Variants in FOXP2 observed in about 807,000 individuals in gnomAD.
FOXP2 encodes forkhead box protein P2.
In FOXP2, 12 loss-of-function variants were observed where a neutral mutation model predicts 115.8. That is an observed-to-expected ratio of 0.10 (90% CI 0.07 to 0.17). FOXP2 has a LOEUF of 0.17. FOXP2 is among the 10% of genes least tolerant of loss of function. The pLI, the probability that FOXP2 is intolerant of heterozygous loss-of-function variation, is 1.00. For synonymous variants in FOXP2, 328 were observed against 297.7 expected (o/e 1.10, Z -1.05); for missense variants, 629 against 843.5 (o/e 0.75, Z 3.15).
chr7:114,399,849 CT>C (rs1431053557), intron 2 of FOXP2, among the ~76,000 whole-genome samples: 1,723 of 131,380 alleles, frequency 0.013, 12 homozygotes, highest in Non-Finnish European at 0.017. Flanking sequence ...TCATCATTTT[CT>C]TTTTTTTTTT....
chr7:114,682,682 T>G lies in FOXP2; in HGVS notation c.2004-7100T>G, dbSNP rs538730238. On this transcript the variant is annotated intron_variant, in intron 16 of 16. Coordinates refer to ENST00000350908, the MANE Select transcript of FOXP2 (RefSeq NM_014491.4). ...GGCAAAAAGAGAAAGAAATTGCCAA[T>G]GGTCACAAGAAGAGACTAATTCTCT... 3.3e-5 allele frequency among the ~76,000 whole-genome samples: 5 copies of G among 152,216 alleles called. No homozygotes were observed. In the East Asian group the frequency reaches 9.6e-4, roughly 29 times the overall value.
At chr7:114,403,512 T>C (rs1792944384) in intron 2 of FOXP2, among the ~76,000 whole-genome samples, 2 of 152,220 alleles carry the variant, frequency 1.3e-5, no homozygotes, top group South Asian at 4.1e-4. Context: ...ACAGTCTTTT[T>C]GCATCTACAG....
intron 1 of FOXP2, among the ~76,000 whole-genome samples, chr7:114,169,489 T>C (rs1793078850): frequency 6.6e-6 from 1 of 152,230 alleles, no homozygotes; most frequent in Non-Finnish European, 1.5e-5. Context: ...GGAATGGCTG[T>C]GTTTTCCCAA....
intron 2 of FOXP2, among the ~76,000 whole-genome samples, chr7:114,427,398 A>T (rs959895051): frequency 1.5e-4 from 20 of 131,964 alleles, no homozygotes; most frequent in African/African-American, 6.6e-4. Flanking sequence ...CTGATTTTGT[A>T]AAAAAAAAAA....
chr7:114,658,044 C>T (rs1806678921), intron 10 of FOXP2, 22 bp from the exon 11 acceptor site: 2 of 1,613,036 alleles, frequency 1.2e-6, no homozygotes, highest in Non-Finnish European at 8.5e-7. Context: ...CTTTTTCCTG[C>T]CCTTCTCTTG....
Position 114,691,256 on chromosome 7 carries a change from C to T in FOXP2, c.*1330C>T. ...TTGTTGTGTACTATTTTTTTATAGT[C>T]TTAAGTTATAATGAAAAAACAAAAA... On this transcript the variant is annotated 3_prime_UTR_variant, in exon 17 of 17. Transcript: ENST00000350908. The T allele has an allele frequency of 2.2e-6, 1 of 452,148 alleles. No homozygotes were observed. Among genetic ancestry groups the T allele is most frequent in the Non-Finnish European group, 4.4e-6 (1 of 226,398 alleles). 28.0% of individuals were successfully genotyped at this position (452,148 alleles called of 1,614,324 possible).
At chr7:114,289,948 G>A (rs534511674) in intron 2 of FOXP2, among the ~76,000 whole-genome samples, 4 of 152,004 alleles carry the variant, frequency 2.6e-5, no homozygotes, top group East Asian at 3.9e-4. Context: ...TGTTGGAGAA[G>A]CAAAGATTTT....
intron 1 of FOXP2, among the ~76,000 whole-genome samples, chr7:114,101,704 G>A (rs9640751): frequency 0.23 from 35,286 of 151,772 alleles, 5,979 homozygotes; most frequent in East Asian, 0.49. Flanking sequence ...TATGTATTAT[G>A]TCTGTTTTCC....
chr7:114,118,435 T>C (rs1791468427), intron 1 of FOXP2, among the ~76,000 whole-genome samples: 1 of 151,106 alleles, frequency 6.6e-6, no homozygotes, highest in Non-Finnish European at 1.5e-5. Context: ...TATATCAACC[T>C]AGAGGTTTTT....
chr7:114,548,599 A>G (rs551943935), intron 3 of FOXP2, among the ~76,000 whole-genome samples: 2 of 152,360 alleles, frequency 1.3e-5, no homozygotes, highest in South Asian at 2.1e-4. Context: ...TAATGTGACT[A>G]AAGTTCAGTG....
At chr7:114,610,164 A>G (rs1450235388) in intron 3 of FOXP2, among the ~76,000 whole-genome samples, 1 of 152,178 alleles carries the variant, frequency 6.6e-6, no homozygotes, top group Non-Finnish European at 1.5e-5. Flanking sequence ...TACTTTATTC[A>G]ATTATTCATA....
intron 16 of FOXP2, chr7:114,666,445 T>C (rs1266155345): frequency 3.3e-5 from 5 of 152,112 alleles, no homozygotes; most frequent in Admixed American, 3.3e-4. Flanking sequence ...CTTTATAAAG[T>C]TCTAAGATGC....
chr7:114,235,971 A>G (rs762714888), intron 1 of FOXP2, among the ~76,000 whole-genome samples: 11 of 152,218 alleles, frequency 7.2e-5, no homozygotes, highest in Middle Eastern at 3.4e-3. Context: ...TACCTTTCTT[A>G]ATGGGGCTTC....
intron 2 of FOXP2, among the ~76,000 whole-genome samples, chr7:114,460,374 C>T (rs571612163): frequency 2.0e-5 from 3 of 152,282 alleles, no homozygotes; most frequent in South Asian, 4.1e-4. Flanking sequence ...ATTAATCACC[C>T]AGTAGTGAGT....
intron 16 of FOXP2, among the ~76,000 whole-genome samples, chr7:114,679,376 A>G (rs1047452047): frequency 2.6e-5 from 4 of 152,168 alleles, no homozygotes; most frequent in African/African-American, 9.7e-5. Context: ...TCTGACCATC[A>G]TTAACTTATT....
chr7:114,502,419 T>A (rs1002839300), intron 2 of FOXP2, among the ~76,000 whole-genome samples: 1 of 152,122 alleles, frequency 6.6e-6, no homozygotes, highest in African/African-American at 2.4e-5. Context: ...GCTGCCAAAC[T>A]GTCAAACTGT....
chr7:114,509,673 G>C (rs192810178), intron 2 of FOXP2, among the ~76,000 whole-genome samples: 1,755 of 149,316 alleles, frequency 0.012, 36 homozygotes, highest in African/African-American at 0.038. Flanking sequence ...TCTTTGGTGG[G>C]GGGGGGGCTT....
At chr7:114,643,462 A>C (rs1805696031) in intron 7 of FOXP2, among the ~76,000 whole-genome samples, 2 of 152,184 alleles carry the variant, frequency 1.3e-5, no homozygotes, top group African/African-American at 4.8e-5. Context: ...GTAAATATAT[A>C]AAGATAAATA....
At chr7:114,451,104 G>C (rs1175733301) in intron 2 of FOXP2, among the ~76,000 whole-genome samples, 1 of 152,018 alleles carries the variant, frequency 6.6e-6, no homozygotes, top group East Asian at 1.9e-4. Context: ...TACATATTGA[G>C]AGTAAATAAA....
Sources: allele counts gnomAD v4.1 joint callset (sites outside exome capture counted in the v4.1 genomes callset), GRCh38; gene constraint gnomAD v4.1.1; transcripts MANE v1.5; gene names NCBI Gene and HGNC (gene_info 2026-07-23, HGNC 2026-07-21).